ALDH7A1: variants seen among roughly 807,000 people sequenced by gnomAD.
The protein encoded by ALDH7A1 is alpha-aminoadipic semialdehyde dehydrogenase.
ALDH7A1 carries 63 observed loss-of-function variants against 79.9 expected under a neutral mutation model. The observed-to-expected ratio is 0.79, with a 90% confidence interval of 0.64 to 0.97. The LOEUF is 0.97. Ranked by LOEUF, ALDH7A1 falls within the 50% of genes least tolerant of loss-of-function variation. The probability of loss-of-function intolerance (pLI) is 0.00; values close to 1 mark genes in which losing one functional copy is unlikely to be tolerated. For missense variants in ALDH7A1, 627 were observed against 665.2 expected (o/e 0.94, Z 0.63); for synonymous variants, 240 against 231.2 (o/e 1.04, Z -0.34).
intron 3 of ALDH7A1, among the ~76,000 whole-genome samples, chr5:126,589,667 C>T (rs993717927): frequency 4.0e-5 from 6 of 151,658 alleles, no homozygotes; most frequent in East Asian, 1.9e-4. Flanking sequence ...AAGTGAGGAG[C>T]GCCCTGCCCA....
At chr5:126,555,887 G>A (rs932982351) in intron 12 of ALDH7A1, 44 bp downstream of exon 12, 2 of 1,456,204 alleles carry the variant, frequency 1.4e-6, no homozygotes, top group African/African-American at 1.4e-5. Flanking sequence ...GTTAACAACA[G>A]CTCTCAAAAA....
chr5:126,571,150 A>ATTTTT (rs386404930), intron 7 of ALDH7A1: 5,380 of 221,408 alleles, frequency 0.024, 188 homozygotes, highest in Non-Finnish European at 0.033. Context: ...CTATTAGCAG[A>ATTTTT]TTTTTTTTTT....
intron 11 of ALDH7A1, among the ~76,000 whole-genome samples, chr5:126,558,072 G>A (rs1331129182): frequency 1.3e-5 from 2 of 149,776 alleles, no homozygotes; most frequent in Non-Finnish European, 3.0e-5. Context: ...GGAGGGTGAG[G>A]CAGGAGAATC....
intron 6 of ALDH7A1, 22 bp downstream of exon 6, chr5:126,577,057 T>C (rs1046381535): frequency 3.3e-5 from 53 of 1,613,242 alleles, no homozygotes; most frequent in Middle Eastern, 3.7e-4. Context: ...CACTACTAAA[T>C]AGGAAAGTGA....
At chr5:126,546,470 AAAG>A (rs2112746433) in intron 16 of ALDH7A1, 71 bp from the exon 17 acceptor site, 4 of 1,401,988 alleles carry the variant, frequency 2.9e-6, no homozygotes, top group Non-Finnish European at 3.0e-6. Flanking sequence ...GTATCAATGA[AAAG>A]AAGATACCAA....
intron 5 of ALDH7A1, among the ~76,000 whole-genome samples, chr5:126,577,691 T>C (rs1469408821): frequency 1.3e-5 from 2 of 151,994 alleles, no homozygotes; most frequent in African/African-American, 2.4e-5. Context: ...CCCACCCTCC[T>C]GAGTAGCTGG....
At chr5:126,590,557 A>G (rs1751520096) in intron 3 of ALDH7A1, among the ~76,000 whole-genome samples, 1 of 152,082 alleles carries the variant, frequency 6.6e-6, no homozygotes, top group South Asian at 2.1e-4. Flanking sequence ...CTCAAAAGAA[A>G]AAAGTATGTA....
At chr5:126,577,334 C>T (rs1751011760) in intron 5 of ALDH7A1, 123 bp from the exon 6 acceptor site, 3 of 1,261,012 alleles carry the variant, frequency 2.4e-6, no homozygotes, top group East Asian at 5.0e-5. Context: ...GAAATTGCTA[C>T]ACAGCCATGG....
Position 126,561,207 on chromosome 5 carries a change from T to C in ALDH7A1, c.872-83A>G, listed in dbSNP as rs1195729545. The C allele has an allele frequency of 6.4e-6, 7 of 1,094,460 alleles. No homozygotes were observed. In the Admixed American group the frequency reaches 1.2e-4, roughly 19 times the overall value. The allele number at this position is 1,094,460 out of a possible 1,614,324, so 67.8% of individuals were successfully genotyped here. ...CTGCTACACAGCCTAATCCCAATTATTAAATTATATAGCCTGTCCAATTAT... is the reference window on the plus strand; with the variant it reads ...CTGCTACACAGCCTAATCCCAATTACTAAATTATATAGCCTGTCCAATTAT... On this transcript the variant is annotated intron_variant, in intron 9 of 17. Coordinates refer to ENST00000409134, the MANE Select transcript of ALDH7A1 (RefSeq NM_001182.5).
At chr5:126,590,884 TAAA>T (rs76901782) in intron 3 of ALDH7A1, among the ~76,000 whole-genome samples, 3 of 121,912 alleles carry the variant, frequency 2.5e-5, no homozygotes, top group Admixed American at 8.6e-5. Flanking sequence ...GACCCTGTCT[TAAA>T]AAAAAAAAAA....
intron 11 of ALDH7A1, among the ~76,000 whole-genome samples, chr5:126,558,847 C>T (rs375494813): frequency 1.1e-4 from 16 of 152,328 alleles, no homozygotes; most frequent in Admixed American, 8.5e-4. Flanking sequence ...AAATGTTTTA[C>T]TACTTAAAAT....
intron 6 of ALDH7A1, among the ~76,000 whole-genome samples, chr5:126,576,243 A>G (rs945864235): frequency 2.7e-5 from 4 of 146,570 alleles, no homozygotes; most frequent in Admixed American, 2.1e-4. Flanking sequence ...AGCCTGGGCG[A>G]CAGAGCAAGA....
rs1581409051 is a variant in ALDH7A1, at chr5:126,595,007, C to G, written c.192G>C (p.Glu64Asp). The change falls in exon 1 of 18, where the codon GAG becomes GAC. Residue 64 changes from glutamate to aspartate, a missense_variant and splice_region_variant. Glu to Asp is a conservative substitution (Grantham distance 45). Transcript: ENST00000409134. Reference protein sequence around the residue: ...VYNGSWGGRGEVITTYCPANN... With the variant: ...VYNGSWGGRGDVITTYCPANN... ...AGAGATTTCTTGAGCGCCCGCGTACCTCTCCCCGGCCTCCCCAGCTTCCAT... is the reference window on the plus strand; with the variant it reads ...AGAGATTTCTTGAGCGCCCGCGTACGTCTCCCCGGCCTCCCCAGCTTCCAT... 2 of 1,597,554 alleles carry G rather than the reference C, an allele frequency of 1.3e-6. No homozygotes were observed. The highest frequency in any genetic ancestry group is 1.7e-6 in the Non-Finnish European group (2 of 1,173,064).
intron 9 of ALDH7A1, among the ~76,000 whole-genome samples, chr5:126,565,056 C>T (rs1462632458): frequency 1.3e-5 from 2 of 152,136 alleles, no homozygotes; most frequent in African/African-American, 2.4e-5. Context: ...GCTCGTGGGA[C>T]TAATGATGTT....
chr5:126,545,139 T>G, intron 17 of ALDH7A1, 120 bp from the exon 18 acceptor site: 1 of 743,322 alleles, frequency 1.3e-6, no homozygotes, highest in East Asian at 2.7e-5. Context: ...AAGTTACAAC[T>G]TTTTAAGACA....
intron 3 of ALDH7A1, chr5:126,588,969 G>C (rs1751450136): frequency 6.6e-6 from 1 of 152,264 alleles, no homozygotes; most frequent in Non-Finnish European, 1.5e-5. Flanking sequence ...CTTGAGCCCA[G>C]GAGGTCAAAG....
chr5:126,565,166 G>A (rs995144236), intron 9 of ALDH7A1, among the ~76,000 whole-genome samples: 3 of 152,020 alleles, frequency 2.0e-5, no homozygotes, highest in Non-Finnish European at 4.4e-5. Flanking sequence ...AGGCCAAGGC[G>A]GGCGGATCAC....
Position 126,595,156 on chromosome 5 carries a change from T to C in ALDH7A1, c.43A>G (p.Thr15Ala). ...CTCCAAGGTCCAGAGAGCTTGCTGG[T>C]CTTTGCAGCGTGCACACACAGCGCG... ...PRALCVHAAKTSKLSGPWSRP... is the reference protein window; with the variant it reads ...PRALCVHAAKASKLSGPWSRP... The change falls in exon 1 of 18, where the codon ACC (threonine) becomes GCC (alanine). Residue 15 changes from threonine (T) to alanine (A), a missense_variant. Physicochemically the swap from Thr to Ala is moderately conservative, Grantham distance 58 (BLOSUM62 0). Coordinates refer to ENST00000409134, the MANE Select transcript of ALDH7A1 (RefSeq NM_001182.5). The C allele has an allele frequency of 6.4e-7, 1 of 1,557,220 alleles. No homozygotes were observed. Among genetic ancestry groups the C allele is most frequent in the Non-Finnish European group, 8.7e-7 (1 of 1,149,870 alleles).
Position 126,560,288 on chromosome 5 carries a change from T to C in ALDH7A1, c.913+795A>G, listed in dbSNP as rs192060786. Among the ~76,000 whole-genome samples, 823 of 152,250 alleles carry C rather than the reference T, an allele frequency of 5.4e-3. 4 individuals carry two copies. The highest frequency in any genetic ancestry group is 0.02 in the Middle Eastern group (6 of 294). On this transcript the variant is annotated intron_variant, in intron 10 of 17. Transcript: ENST00000409134. ...GGAGTTCAAGACCAGCCTGCCAACA[T>C]GGTGAAACCCCATCTGTACTAAAAA...
Sources: gnomAD v4.1 joint callset for allele counts (sites outside exome capture counted in the v4.1 genomes callset) on GRCh38, gnomAD v4.1.1 for gene constraint, MANE v1.5 for transcripts, NCBI Gene and HGNC (gene_info 2026-07-23, HGNC 2026-07-21) for gene names.